GPR31: variants seen among roughly 807,000 people sequenced by gnomAD.
GPR31 encodes the protein 12-(S)-hydroxy-5,8,10,14-eicosatetraenoic acid receptor.
For synonymous variants in GPR31, 209 were observed against 183.8 expected (o/e 1.14, Z -1.11); for missense variants, 394 against 400.5 (o/e 0.98, Z 0.14).
Position 167,156,707 on chromosome 6 carries a change from C to G in GPR31, c.*165G>C. 2.7e-6 allele frequency: 2 copies of G among 750,302 alleles called. No homozygotes were observed. The highest frequency in any genetic ancestry group is 4.2e-6 in the Non-Finnish European group (2 of 471,906). 46.5% of individuals were successfully genotyped at this position (750,302 alleles called of 1,614,324 possible). A position where few individuals can be genotyped will look rare whatever the true frequency, so the allele number is the denominator to read the frequency against. Reference sequence around the variant, plus strand: ...AATCACAGAGGACCACCCTGGTCAACAAAGTATAAGACCACACCTGCAGCA... The same window carrying G: ...AATCACAGAGGACCACCCTGGTCAAGAAAGTATAAGACCACACCTGCAGCA... On this transcript the variant is annotated 3_prime_UTR_variant, in exon 1 of 1. Coordinates refer to ENST00000366834, the MANE Select transcript of GPR31 (RefSeq NM_005299.3). The surrounding 1 kb of genome is among the most constrained non-coding windows in gnomAD (Gnocchi z 4.5).
rs532533296 is a variant in GPR31 at position 167,155,322 on chromosome 6, A to G, written c.*1550T>C. Among the ~76,000 whole-genome samples, 6 of 152,326 alleles carry G rather than the reference A, an allele frequency of 3.9e-5. No individual in the cohort carries two copies. Among genetic ancestry groups the G allele is most frequent in the Admixed American group, 1.3e-4 (2 of 15,304 alleles). On this transcript the variant is annotated 3_prime_UTR_variant, in exon 1 of 1. Transcript: ENST00000366834. ...TCCCTTCTTAGCCCTTTGAAATTCT[A>G]TTCACTTAGGAGGAAATAAAACCTC... is the stretch of plus-strand genomic sequence containing the variant.
Position 167,157,908 on chromosome 6 carries a change from A to C in GPR31, c.-77T>G. On this transcript the variant is annotated 5_prime_UTR_variant, in exon 1 of 1. Coordinates refer to ENST00000366834, the MANE Select transcript of GPR31 (RefSeq NM_005299.3). ...TCTGTGCTCTTTCTTACAAAATGAAAGAAAAGGCCTTTTCCTGCCACAGAG... is the reference window on the plus strand; with the variant it reads ...TCTGTGCTCTTTCTTACAAAATGAACGAAAAGGCCTTTTCCTGCCACAGAG... 6.9e-7 allele frequency: 1 copy of C among 1,452,770 alleles called. No homozygotes were observed. Among genetic ancestry groups the C allele is most frequent in the Non-Finnish European group, 9.1e-7 (1 of 1,093,246 alleles). 90.0% of individuals were successfully genotyped at this position (1,452,770 alleles called of 1,614,324 possible).
rs749675196 is a variant in GPR31 at position 167,157,522 on chromosome 6, A to T, written c.310T>A (p.Phe104Ile). 2 of 1,613,136 alleles carry T rather than the reference A, an allele frequency of 1.2e-6. No individual in the cohort carries two copies. The highest frequency in any genetic ancestry group is 1.7e-6 in the Non-Finnish European group (2 of 1,179,728). Residue 104 changes from phenylalanine (F) to isoleucine (I), a missense_variant, in exon 1 of 1, where the codon TTC (phenylalanine) becomes ATC (isoleucine). Phe to Ile is a conservative substitution (Grantham distance 21, BLOSUM62 0). Coordinates refer to ENST00000366834, the MANE Select transcript of GPR31 (RefSeq NM_005299.3). ...CGGTCCAAAGCCACGGCGGCCAGGA[A>T]GGCCATCCCCACGCTGCGGCTGAGG... is the stretch of plus-strand genomic sequence containing the variant. The part of the protein sequence containing the change: ...LDLSRSVGMA[F>I]LAAVALDRYL...
rs774299909 is a variant in GPR31, at chr6:167,157,413, A to C, written c.419T>G (p.Leu140Arg). 1.2e-6 allele frequency: 2 copies of C among 1,613,300 alleles called. No homozygotes were observed. The highest frequency in any genetic ancestry group is 1.7e-6 in the Non-Finnish European group (2 of 1,179,998). The change falls in exon 1 of 1, where the codon CTC becomes CGC. Residue 140 changes from leucine (L) to arginine (R), a missense_variant. Physicochemically the swap from Leu to Arg is moderately radical, Grantham distance 102. Transcript: ENST00000366834. ...CGGGCAGGTGAGGGCGACCATCAGG[A>C]GCCAGACGAGGCCCGAGACCCCCAG... is the stretch of plus-strand genomic sequence containing the variant. ...AALGVSGLVWLLMVALTCPGL... is the reference protein window; with the variant it reads ...AALGVSGLVWRLMVALTCPGL...
In GPR31 at chr6:167,156,328, C is replaced by T. The variant is rs940640735; in HGVS notation, c.*544G>A. 2.6e-5 allele frequency: 4 copies of T among 152,168 alleles called. No homozygotes were observed. Among genetic ancestry groups the T allele is most frequent in the African/African-American group, 9.7e-5 (4 of 41,414 alleles). The allele number at this position is 152,168 out of a possible 1,614,324, so 9.4% of individuals were successfully genotyped here. A position where few individuals can be genotyped will look rare whatever the true frequency, so the allele number is the denominator to read the frequency against. ...AAAAATGTTATGTTCCAAATAAAGGCTAGCATGTACGACAGTACCTTATAT... is the reference window on the plus strand; with the variant it reads ...AAAAATGTTATGTTCCAAATAAAGGTTAGCATGTACGACAGTACCTTATAT... On this transcript the variant is annotated 3_prime_UTR_variant, in exon 1 of 1. Coordinates refer to ENST00000366834, the MANE Select transcript of GPR31 (RefSeq NM_005299.3). This position sits in a 1 kb window ranked among gnomAD's most constrained non-coding sequence, Gnocchi z 4.5.
chr6:167,157,081 G>C lies in GPR31; in HGVS notation c.751C>G (p.Leu251Val), dbSNP rs774215026. ...ARVLMHIFQNLGSCRALCAVA... is the reference protein window; with the variant it reads ...ARVLMHIFQNVGSCRALCAVA... ...GCACAAAGGGCCCTGCAGCTCCCCA[G>C]ATTCTGGAAGATGTGCATCAGGACT... The change falls in exon 1 of 1, where the codon CTG becomes GTG. Residue 251 changes from leucine to valine, a missense_variant. Leu to Val is a conservative substitution (Grantham distance 32). Coordinates refer to ENST00000366834, the MANE Select transcript of GPR31 (RefSeq NM_005299.3). The C allele has an allele frequency of 2.5e-6, 4 of 1,614,230 alleles. No homozygotes were observed. The highest frequency in any genetic ancestry group is 3.4e-6 in the Non-Finnish European group (4 of 1,180,034).
chr6:167,156,754 T>C lies in GPR31; in HGVS notation c.*118A>G. ...AGCAACTGTGCCCATGTTTATGCTC[T>C]GATCCTTGTATTGCAGTCTTAAGAC... On this transcript the variant is annotated 3_prime_UTR_variant, in exon 1 of 1. Coordinates refer to ENST00000366834, the MANE Select transcript of GPR31 (RefSeq NM_005299.3). The surrounding 1 kb of genome is among the most constrained non-coding windows in gnomAD (Gnocchi z 4.5). 8.6e-7 allele frequency: 1 copy of C among 1,158,950 alleles called. No homozygotes were observed. Among genetic ancestry groups the C allele is most frequent in the Non-Finnish European group, 1.2e-6 (1 of 810,642 alleles). 71.8% of individuals were successfully genotyped at this position (1,158,950 alleles called of 1,614,324 possible).
Position 167,156,967 on chromosome 6 carries a change from AGGT to A in GPR31, c.862_864del (p.Thr288del). On this transcript the variant is annotated inframe_deletion, in exon 1 of 1. Coordinates refer to ENST00000366834, the MANE Select transcript of GPR31 (RefSeq NM_005299.3). The surrounding 1 kb of genome is among the most constrained non-coding windows in gnomAD (Gnocchi z 4.5). ...AAGACCCTCCGATAGGAGCTCCTGA[AGGT>A]GGGGCTGGAGAAGCAGTATACCACG... 6.2e-7 allele frequency: 1 copy of A among 1,614,152 alleles called. No homozygotes were observed. Among genetic ancestry groups the A allele is most frequent in the Non-Finnish European group, 8.5e-7 (1 of 1,180,020 alleles).
Position 167,157,754 on chromosome 6 carries a change from C to G in GPR31, c.78G>C (p.Gly26=). 1 of 1,613,508 alleles carries G rather than the reference C, an allele frequency of 6.2e-7. No homozygotes were observed. The highest frequency in any genetic ancestry group is 8.5e-7 in the Non-Finnish European group (1 of 1,179,978). ...CCACCGCGTTGCCCAGCAGACCCAG[C>G]CCACACTCCAGCCCCAGCAAGACAC... ...AVGVLLGLEC[G]LGLLGNAVAL... is the part of the protein sequence containing the mutation. The change falls in exon 1 of 1, where the codon GGG becomes GGC. Residue 26 remains glycine, a synonymous_variant. Coordinates refer to ENST00000366834, the MANE Select transcript of GPR31 (RefSeq NM_005299.3).
Position 167,157,186 on chromosome 6 carries a change from T to C in GPR31, c.646A>G (p.Lys216Glu). 1 of 1,614,184 alleles carries C rather than the reference T, an allele frequency of 6.2e-7. No homozygotes were observed. Among genetic ancestry groups the C allele is most frequent in the African/African-American group, 1.3e-5 (1 of 75,046 alleles). ...ACCAGTGCCTGGGCCCGCTGAAGCT[T>C]GGGCTGTTTCTCAGGCTCCCGGAGT... ...KRLREPEKQP[K>E]LQRAQALVTL... Residue 216 changes from lysine (K) to glutamate (E), a missense_variant, in exon 1 of 1, where the codon AAG becomes GAG. By Grantham distance (56) the Lys-to-Glu change is moderately conservative. Coordinates refer to ENST00000366834, the MANE Select transcript of GPR31 (RefSeq NM_005299.3).
Position 167,157,820 on chromosome 6 carries a change from TG to T in GPR31, c.11del (p.Pro4GlnfsTer72). 1 of 1,608,386 alleles carries T rather than the reference TG, an allele frequency of 6.2e-7. No homozygotes were observed. The highest frequency in any genetic ancestry group is 8.5e-7 in the Non-Finnish European group (1 of 1,177,344). On this transcript the variant is annotated frameshift_variant, in exon 1 of 1. Transcript: ENST00000366834. LOFTEE classifies it low-confidence loss of function (END_TRUNC). ...CCACAGTGCTGGGGGCTGAGCAGTT[TG>T]GGAATGGCATCACCCGGCCGTGAGG... is the stretch of plus-strand genomic sequence containing the variant. MPFPNCSAPSTVVA... is the reference protein window; with the variant it reads MPFXNCSAPSTVVA...
rs774896340 is a variant in GPR31 at position 167,155,956 on chromosome 6, C to T, written c.*916G>A. On this transcript the variant is annotated 3_prime_UTR_variant, in exon 1 of 1. Transcript: ENST00000366834. ...ACGGCATCCAGAGGCTGGGGCTGGACGCCTGCCCACCTTCACACTGTGGCC... is the reference window on the plus strand; with the variant it reads ...ACGGCATCCAGAGGCTGGGGCTGGATGCCTGCCCACCTTCACACTGTGGCC... Among the ~76,000 whole-genome samples the T allele has an allele frequency of 3.3e-4, 50 of 152,312 alleles. No homozygotes were observed. The highest frequency in any genetic ancestry group is 1.0e-3 in the African/African-American group (43 of 41,560).
chr6:167,157,005 A>T lies in GPR31; in HGVS notation c.827T>A (p.Val276Glu). 1 of 1,614,150 alleles carries T rather than the reference A, an allele frequency of 6.2e-7. No homozygotes were observed. Among genetic ancestry groups the T allele is most frequent in the Non-Finnish European group, 8.5e-7 (1 of 1,180,018 alleles). Residue 276 changes from valine to glutamate, a missense_variant, in exon 1 of 1, where the codon GTG (valine) becomes GAG (glutamate). By Grantham distance (121) the Val-to-Glu change is moderately radical. Coordinates refer to ENST00000366834, the MANE Select transcript of GPR31 (RefSeq NM_005299.3). Reference sequence around the variant, plus strand: ...GAAGCAGTATACCACGGGGTTGAGCACACTGTGCAGGTAGGTGAGGCTGCC... The same window carrying T: ...GAAGCAGTATACCACGGGGTTGAGCTCACTGTGCAGGTAGGTGAGGCTGCC... Reference protein sequence around the residue: ...VTGSLTYLHSVLNPVVYCFSS... With the variant: ...VTGSLTYLHSELNPVVYCFSS...
rs1583011413 is a variant in GPR31, at chr6:167,157,899, C to A, written c.-68G>T. ...AGGAGGAACTCTGTGCTCTTTCTTA[C>A]AAAATGAAAGAAAAGGCCTTTTCCT... On this transcript the variant is annotated 5_prime_UTR_variant, in exon 1 of 1. Transcript: ENST00000366834. The A allele has an allele frequency of 6.8e-7, 1 of 1,477,770 alleles. No individual in the cohort carries two copies. 91.5% of individuals were successfully genotyped at this position (1,477,770 alleles called of 1,614,324 possible). A position where few individuals can be genotyped will look rare whatever the true frequency, so the allele number is the denominator to read the frequency against.
In GPR31 at chr6:167,156,753, C is replaced by T. The variant is rs1199559513; in HGVS notation, c.*119G>A. 54 of 1,155,110 alleles carry T rather than the reference C, an allele frequency of 4.7e-5. 1 individual carries two copies. The Admixed American group carries it at 1.2e-3, about 26-fold the overall frequency. The allele number at this position is 1,155,110 out of a possible 1,614,324, so 71.6% of individuals were successfully genotyped here. ...CAGCAACTGTGCCCATGTTTATGCT[C>T]TGATCCTTGTATTGCAGTCTTAAGA... On this transcript the variant is annotated 3_prime_UTR_variant, in exon 1 of 1. Coordinates refer to ENST00000366834, the MANE Select transcript of GPR31 (RefSeq NM_005299.3). The surrounding 1 kb of genome is among the most constrained non-coding windows in gnomAD (Gnocchi z 4.5).
chr6:167,156,858 G>GA lies in GPR31; in HGVS notation c.*13dup. The GA allele has an allele frequency of 6.4e-7, 1 of 1,556,718 alleles. No homozygotes were observed. Among genetic ancestry groups the GA allele is most frequent in the Non-Finnish European group, 8.7e-7 (1 of 1,154,548 alleles). Reference sequence around the variant, plus strand: ...TAGTTCCATAAACACGGGCGTTGAGGACGCTGGCTGTTGTCAGGAATAGGA... The same window carrying GA: ...TAGTTCCATAAACACGGGCGTTGAGGAACGCTGGCTGTTGTCAGGAATAGGA... On this transcript the variant is annotated 3_prime_UTR_variant, in exon 1 of 1. Transcript: ENST00000366834. The surrounding 1 kb of genome is among the most constrained non-coding windows in gnomAD (Gnocchi z 4.5).
Position 167,157,972 on chromosome 6 carries a change from C to T in GPR31, c.-141G>A. ...CATTTGCCCAACAAGAACAGTTCCT[C>T]AGCAGAATAGAGTCCACAGCAAACC... On this transcript the variant is annotated 5_prime_UTR_variant, in exon 1 of 1. Transcript: ENST00000366834. 2 of 1,073,816 alleles carry T rather than the reference C, an allele frequency of 1.9e-6. No homozygotes were observed. The highest frequency in any genetic ancestry group is 2.6e-6 in the Non-Finnish European group (2 of 756,388). 66.5% of individuals were successfully genotyped at this position (1,073,816 alleles called of 1,614,324 possible). A position where few individuals can be genotyped will look rare whatever the true frequency, so the allele number is the denominator to read the frequency against.
In GPR31 at chr6:167,157,440, G is replaced by A. The variant is rs1278947218; in HGVS notation, c.392C>T (p.Ala131Val). 1 of 1,613,488 alleles carries A rather than the reference G, an allele frequency of 6.2e-7. No individual in the cohort carries two copies. Among genetic ancestry groups the A allele is most frequent in the Admixed American group, 1.7e-5 (1 of 60,028 alleles). The change falls in exon 1 of 1, where the codon GCC becomes GTC. Residue 131 changes from alanine to valine, a missense_variant. Physicochemically the swap from Ala to Val is moderately conservative, Grantham distance 64 (BLOSUM62 0). Transcript: ENST00000366834. ...CCAGACGAGGCCCGAGACCCCCAGG[G>A]CCGCCTGAGGAGACAGCAGGTTGAC... is the stretch of plus-strand genomic sequence containing the variant. ...LKVNLLSPQA[A>V]LGVSGLVWLL...
In GPR31 at chr6:167,155,483, G is replaced by C. The variant is rs547604030; in HGVS notation, c.*1389C>G. On this transcript the variant is annotated 3_prime_UTR_variant, in exon 1 of 1. Transcript: ENST00000366834. Reference sequence around the variant, plus strand: ...TTTGGTTCTGATAAGGAACCTCCCTGGCAGGCTGTCAGCTCTGCAGATGGG... The same window carrying C: ...TTTGGTTCTGATAAGGAACCTCCCTCGCAGGCTGTCAGCTCTGCAGATGGG... 1.3e-5 allele frequency among the ~76,000 whole-genome samples: 2 copies of C among 152,256 alleles called. No homozygotes were observed. Among genetic ancestry groups the C allele is most frequent in the Admixed American group, 1.3e-4 (2 of 15,298 alleles).
Sources: gnomAD v4.1 joint callset for allele counts (sites outside exome capture counted in the v4.1 genomes callset) on GRCh38, gnomAD v4.1.1 for gene constraint, Gnocchi (gnomAD v3.1) non-coding constraint, MANE v1.5 for transcripts, NCBI Gene and HGNC (gene_info 2026-07-23, HGNC 2026-07-21) for gene names.